JAKMIP1: variants seen among roughly 807,000 people sequenced by gnomAD.
JAKMIP1 encodes the protein janus kinase and microtubule-interacting protein 1.
JAKMIP1 carries 33 observed loss-of-function variants against 113.0 expected under a neutral mutation model. The ratio of observed to expected loss-of-function variants is 0.29; its 90% CI spans 0.22 to 0.39. The LOEUF is 0.39. Ranked by LOEUF, JAKMIP1 falls within the 10% of genes least tolerant of loss-of-function variation. The pLI, the probability that JAKMIP1 is intolerant of heterozygous loss-of-function variation, is 1.00. For missense variants in JAKMIP1, 813 were observed against 1,080.5 expected (o/e 0.75, Z 3.47); for synonymous variants, 480 against 459.9 (o/e 1.04, Z -0.56).
At position 6,150,373 on chromosome 4, in the gene JAKMIP1, C is replaced by A. The variant is rs1015008037; in HGVS notation, c.-147-37376G>T. The A allele has an allele frequency of 2.0e-5, 3 of 152,238 alleles. No homozygotes were observed. The highest frequency in any genetic ancestry group is 7.2e-5 in the African/African-American group (3 of 41,436). The allele number at this position is 152,238 out of a possible 1,614,324, so 9.4% of individuals were successfully genotyped here. On this transcript the variant is annotated intron_variant, in intron 1 of 20. Coordinates refer to ENST00000409021, the MANE Select transcript of JAKMIP1 (RefSeq NM_001099433.2). This position sits in a 1 kb window ranked among gnomAD's most constrained non-coding sequence, Gnocchi z 4.8. ...GGAGACCAGGGGCTGAGGTTGGCCC[C>A]CGGTGTCAGCTTCTAACTAAAAGCC...
rs572585903 is a variant in JAKMIP1 at position 6,050,031 on chromosome 4, A to G, written c.1909-159T>C. On this transcript the variant is annotated intron_variant, in intron 14 of 20. Transcript: ENST00000409021. This position sits in a 1 kb window ranked among gnomAD's most constrained non-coding sequence, Gnocchi z 7.4. Reference sequence around the variant, plus strand: ...GCCGTTCCTCTGGGGAGTGAGGGAGAGAAGGCATAACTGCTGCTCATTTGC... The same window carrying G: ...GCCGTTCCTCTGGGGAGTGAGGGAGGGAAGGCATAACTGCTGCTCATTTGC... Among the ~76,000 whole-genome samples, 57 of 152,194 alleles carry G rather than the reference A, an allele frequency of 3.7e-4. No individual in the cohort carries two copies. Among genetic ancestry groups the G allele is most frequent in the Admixed American group, 9.2e-4 (14 of 15,300 alleles).
rs978648528 is a variant in JAKMIP1, at chr4:6,153,346, C to T, written c.-147-40349G>A. Among the ~76,000 whole-genome samples, 5 of 152,194 alleles carry T rather than the reference C, an allele frequency of 3.3e-5. No individual in the cohort carries two copies. Among genetic ancestry groups the T allele is most frequent in the Admixed American group, 1.3e-4 (2 of 15,284 alleles). On this transcript the variant is annotated intron_variant, in intron 1 of 20. Transcript: ENST00000409021. The surrounding 1 kb of genome is among the most constrained non-coding windows in gnomAD (Gnocchi z 4.9). ...CAGATCTGGGTGAGAAGAGGAGCCA[C>T]GCTGAGCATCAGGAGCCCTGGGATT...
Position 6,044,186 on chromosome 4 carries a change from A to G in JAKMIP1, c.2029-1959T>C, listed in dbSNP as rs1714700554. Among the ~76,000 whole-genome samples the G allele has an allele frequency of 7.8e-6, 1 of 128,490 alleles. No homozygotes were observed. The highest frequency in any genetic ancestry group is 1.5e-5 in the Non-Finnish European group (1 of 65,408). 84.3% of individuals were successfully genotyped at this position (128,490 alleles called of 152,430 possible). On this transcript the variant is annotated intron_variant, in intron 16 of 20. Transcript: ENST00000409021. This position sits in a 1 kb window ranked among gnomAD's most constrained non-coding sequence, Gnocchi z 4.4. ...AATGCCGGGTCGTAGCACTCACCTG[A>G]CAGCGCTGTTGTCTGTTTCACCCCT...
chr4:6,110,413 G>A (rs189886744), intron 2 of JAKMIP1, among the ~76,000 whole-genome samples: 11 of 151,842 alleles, frequency 7.2e-5, no homozygotes, highest in Non-Finnish European at 1.0e-4. Context: ...CGTCTGTTGC[G>A]TAAGCCGCCC....
Position 6,170,279 on chromosome 4 carries a change from A to G in JAKMIP1, c.-148+29974T>C, listed in dbSNP as rs1473409836. Among the ~76,000 whole-genome samples the G allele has an allele frequency of 9.2e-5, 13 of 141,656 alleles. No individual in the cohort carries two copies. The East Asian group carries it at 2.8e-3, about 31-fold the overall frequency. The allele number at this position is 141,656 out of a possible 152,430, so 92.9% of individuals were successfully genotyped here. A position where few individuals can be genotyped will look rare whatever the true frequency, so the allele number is the denominator to read the frequency against. On this transcript the variant is annotated intron_variant, in intron 1 of 20. Coordinates refer to ENST00000409021, the MANE Select transcript of JAKMIP1 (RefSeq NM_001099433.2). The stretch of plus-strand genomic sequence containing the variant: ...CCTTCTCACCACCACCACCACCATC[A>G]CCACCACCATCACTGTCAACACCAT...
chr4:6,060,723 G>A (rs185876919), intron 10 of JAKMIP1, among the ~76,000 whole-genome samples: 1 of 152,320 alleles, frequency 6.6e-6, no homozygotes, highest in Non-Finnish European at 1.5e-5. Context: ...GCCTTGTTTG[G>A]TTTTACAAAC....
intron 1 of JAKMIP1, among the ~76,000 whole-genome samples, chr4:6,148,549 G>A (rs1235540125): frequency 1.3e-5 from 2 of 152,260 alleles, no homozygotes; most frequent in Non-Finnish European, 2.9e-5. Flanking sequence ...CAAGGTGGCA[G>A]GAGCCAATTT....
chr4:6,125,798 TACAG>T (rs1428670891), intron 1 of JAKMIP1, among the ~76,000 whole-genome samples: 5 of 81,746 alleles, frequency 6.1e-5, no homozygotes, highest in East Asian at 4.0e-4. Flanking sequence ...ACACACACCA[TACAG>T]AAACACACAC....
chr4:6,038,430 C>T (rs1327813733), intron 18 of JAKMIP1, among the ~76,000 whole-genome samples: 1 of 144,552 alleles, frequency 6.9e-6, no homozygotes, highest in Non-Finnish European at 1.5e-5. Flanking sequence ...CCCAGTAGCC[C>T]TCCATCACCG....
Position 6,141,328 on chromosome 4 carries a change from T to C in JAKMIP1, c.-147-28331A>G, listed in dbSNP as rs1182209898. The stretch of plus-strand genomic sequence containing the variant: ...GCGCGCATCTGTAATCCCAGCTACT[T>C]GACAGGCTGAGGCAGGAGAATTGCT... On this transcript the variant is annotated intron_variant, in intron 1 of 20. Transcript: ENST00000409021. The surrounding 1 kb of genome is among the most constrained non-coding windows in gnomAD (Gnocchi z 9.4). Among the ~76,000 whole-genome samples, 1 of 151,722 alleles carries C rather than the reference T, an allele frequency of 6.6e-6. No individual in the cohort carries two copies. Among genetic ancestry groups the C allele is most frequent in the Non-Finnish European group, 1.5e-5 (1 of 67,994 alleles).
chr4:6,102,994 A>T (rs185141623), intron 3 of JAKMIP1, among the ~76,000 whole-genome samples: 212 of 152,024 alleles, frequency 1.4e-3, no homozygotes, highest in African/African-American at 4.8e-3. Flanking sequence ...CGGCCTCCCA[A>T]TGAAACTTTT....
At chr4:6,120,515 A>G (rs1250557529) in intron 1 of JAKMIP1, among the ~76,000 whole-genome samples, 1 of 152,194 alleles carries the variant, frequency 6.6e-6, no homozygotes, top group Admixed American at 6.5e-5. Context: ...CCCACTCAGA[A>G]ACAGCCCAGG....
chr4:6,078,849 T>G, intron 8 of JAKMIP1, 90 bp downstream of exon 8: 1 of 1,266,634 alleles, frequency 7.9e-7, no homozygotes, highest in South Asian at 1.2e-5. Flanking sequence ...TCAGGACCCC[T>G]CTGTAAAACC....
intron 1 of JAKMIP1, among the ~76,000 whole-genome samples, chr4:6,191,034 G>A (rs1024943115): frequency 1.3e-5 from 2 of 152,216 alleles, no homozygotes; most frequent in African/African-American, 4.8e-5. Flanking sequence ...GCCCATACTG[G>A]GGGATGCAGG....
Position 6,105,672 on chromosome 4 carries a change from C to A in JAKMIP1, c.425G>T (p.Arg142Met). The A allele has an allele frequency of 6.2e-7, 1 of 1,602,680 alleles. No homozygotes were observed. The highest frequency in any genetic ancestry group is 1.3e-5 in the African/African-American group (1 of 74,910). ...LLTEAREEAR[R>M]AFDGERLRLQ... ...CCGCAGGCGCTCTCCATCGAAGGCCCTGCGCGCCTCCTCGCGCGCCTCGGT... is the reference window on the plus strand; with the variant it reads ...CCGCAGGCGCTCTCCATCGAAGGCCATGCGCGCCTCCTCGCGCGCCTCGGT... The change falls in exon 3 of 21, where the codon AGG becomes ATG. Residue 142 changes from arginine (R) to methionine (M), a missense_variant. Arg to Met is a moderately conservative substitution (Grantham distance 91). Coordinates refer to ENST00000409021, the MANE Select transcript of JAKMIP1 (RefSeq NM_001099433.2).
At position 6,067,663 on chromosome 4, in the gene JAKMIP1, C is replaced by A. The variant is rs1407153059; in HGVS notation, c.1303-2655G>T. ...CTTCTGCACACACACACACAGGTCA[C>A]CCCCTGAGCTCCAGGTTCACTCAAG... On this transcript the variant is annotated intron_variant, in intron 8 of 20. Coordinates refer to ENST00000409021, the MANE Select transcript of JAKMIP1 (RefSeq NM_001099433.2). This position sits in a 1 kb window ranked among gnomAD's most constrained non-coding sequence, Gnocchi z 4.6. 1.8e-5 allele frequency among the ~76,000 whole-genome samples: 2 copies of A among 108,114 alleles called. No individual in the cohort carries two copies. Among genetic ancestry groups the A allele is most frequent in the Non-Finnish European group, 4.1e-5 (2 of 49,060 alleles). The allele number at this position is 108,114 out of a possible 152,430, so 70.9% of individuals were successfully genotyped here.
rs1326396925 is a variant in JAKMIP1, at chr4:6,064,596, A to G, written c.1431+284T>C. On this transcript the variant is annotated intron_variant, in intron 9 of 20. Coordinates refer to ENST00000409021, the MANE Select transcript of JAKMIP1 (RefSeq NM_001099433.2). This position sits in a 1 kb window ranked among gnomAD's most constrained non-coding sequence, Gnocchi z 4.3. Reference sequence around the variant, plus strand: ...AAACCCAAGGCAACATCCCTCAATGACTCAGCTTGAACTTGGCAGCCACAG... The same window carrying G: ...AAACCCAAGGCAACATCCCTCAATGGCTCAGCTTGAACTTGGCAGCCACAG... Among the ~76,000 whole-genome samples the G allele has an allele frequency of 6.6e-6, 1 of 152,074 alleles. No homozygotes were observed. Among genetic ancestry groups the G allele is most frequent in the African/African-American group, 2.4e-5 (1 of 41,436 alleles).
At chr4:6,041,969 C>T (rs933593965) in intron 17 of JAKMIP1, among the ~76,000 whole-genome samples, 190 bp downstream of exon 17, 2 of 152,124 alleles carry the variant, frequency 1.3e-5, no homozygotes, top group Non-Finnish European at 2.9e-5. Flanking sequence ...AATATGTATT[C>T]GATGAGTAAT....
intron 3 of JAKMIP1, among the ~76,000 whole-genome samples, 173 bp from the exon 4 acceptor site, chr4:6,085,802 G>A (rs144804106): frequency 4.3e-4 from 65 of 152,340 alleles, no homozygotes; most frequent in African/African-American, 1.5e-3. Flanking sequence ...CCCAGGGCTT[G>A]TTCCCCGTCA....
Sources: allele counts gnomAD v4.1 joint callset (sites outside exome capture counted in the v4.1 genomes callset), GRCh38; gene constraint gnomAD v4.1.1; non-coding constraint Gnocchi (gnomAD v3.1); transcripts MANE v1.5; gene names NCBI Gene and HGNC (gene_info 2026-07-23, HGNC 2026-07-21).